The following ABCA5 variants were observed in gnomAD, a reference collection of about 807,000 sequenced individuals.
The protein encoded by ABCA5 is cholesterol transporter ABCA5.
ABCA5 carries 163 observed loss-of-function variants against 206.0 expected under a neutral mutation model. The ratio of observed to expected loss-of-function variants is 0.79; its 90% CI spans 0.70 to 0.90. The LOEUF (loss-of-function observed/expected upper bound fraction) is 0.90. ABCA5 is among the 40% of genes least tolerant of loss of function. The probability of loss-of-function intolerance (pLI) is 0.00; values close to 1 mark genes in which losing one functional copy is unlikely to be tolerated. For synonymous variants in ABCA5, 609 were observed against 613.8 expected, an observed-to-expected ratio of 0.99 and a Z score of 0.11; for missense variants, 1,859 against 1,912.9, an observed-to-expected ratio of 0.97 and a Z score of 0.53.
intron 10 of ABCA5, among the ~76,000 whole-genome samples, chr17:69,296,703 G>A (rs151192498): frequency 6.6e-6 from 1 of 152,274 alleles, no homozygotes; most frequent in East Asian, 1.9e-4. Context: ...GGTGGCTTAC[G>A]CCTGTAATCC....
Position 69,261,326 on chromosome 17 carries a change from C to T in ABCA5, c.3430-67G>A, listed in dbSNP as rs16973880. The T allele has an allele frequency of 0.01, 14,209 of 1,414,566 alleles. 1,182 individuals are homozygous for T. The African/African-American group carries it at 0.18, about 18-fold the overall frequency. 87.6% of individuals were successfully genotyped at this position (1,414,566 alleles called of 1,614,324 possible). ...GAAACTTCTTACAAATTGGTGTCTA[C>T]GCATTAAACTATTTTTTCAATCCTC... On this transcript the variant is annotated intron_variant, in intron 25 of 38. Coordinates refer to ENST00000392676, the MANE Select transcript of ABCA5 (RefSeq NM_172232.4).
intron 9 of ABCA5, among the ~76,000 whole-genome samples, chr17:69,299,616 G>C (rs796710335): frequency 4.0e-5 from 6 of 151,798 alleles, no homozygotes; most frequent in African/African-American, 1.5e-4. Flanking sequence ...ACCAAATATT[G>C]TATGTTCTCA....
chr17:69,284,339 GTAACAGGCTTAACATTCTTA>G lies in ABCA5; in HGVS notation c.2273-287_2273-268del, dbSNP rs1354258790. Among the ~76,000 whole-genome samples the G allele has an allele frequency of 2.0e-5, 3 of 152,190 alleles. No individual in the cohort carries two copies. In the East Asian group the frequency reaches 5.8e-4, roughly 29 times the overall value. ...ATTGTGGCACTGAACTCCAGCCTAA[GTAACAGGCTTAACATTCTTA>G]TAAATTAAGGACCTCAAAGAAATTT... On this transcript the variant is annotated intron_variant, in intron 17 of 38. Transcript: ENST00000392676.
intron 20 of ABCA5, among the ~76,000 whole-genome samples, chr17:69,273,645 G>C (rs1190855042): frequency 6.6e-6 from 1 of 151,708 alleles, no homozygotes; most frequent in African/African-American, 2.4e-5. Context: ...TAGTAGAGAC[G>C]GGGTTTCACC....
At position 69,285,892 on chromosome 17, in the gene ABCA5, T is replaced by G; in HGVS notation, c.2272+6A>C. The G allele has an allele frequency of 6.2e-7, 1 of 1,609,760 alleles. No individual in the cohort carries two copies. Among genetic ancestry groups the G allele is most frequent in the Non-Finnish European group, 8.5e-7 (1 of 1,178,284 alleles). Reference sequence around the variant, plus strand: ...CAAACACCAAGAGACTTAAAGTAAGTAATACCTGAAAATTTGTCCATGTCC... The same window carrying G: ...CAAACACCAAGAGACTTAAAGTAAGGAATACCTGAAAATTTGTCCATGTCC... On this transcript the variant is annotated splice_donor_region_variant and intron_variant, in intron 17 of 38. Transcript: ENST00000392676.
chr17:69,289,130 C>T (rs144742078), intron 14 of ABCA5, 47 bp downstream of exon 14: 367 of 1,557,144 alleles, frequency 2.4e-4, no homozygotes, highest in African/African-American at 2.1e-3. Context: ...CTTTTTAATT[C>T]GACATAATTT....
At chr17:69,249,100 G>C (rs1454322264) in intron 37 of ABCA5, 1 of 151,948 alleles carries the variant, frequency 6.6e-6, no homozygotes, top group Non-Finnish European at 1.5e-5. Context: ...TAGTGTTCTT[G>C]GCAAAAGTAA....
chr17:69,255,800 TTTC>T lies in ABCA5; in HGVS notation c.3906_3908del (p.Lys1303del), dbSNP rs1283130034. On this transcript the variant is annotated inframe_deletion, in exon 30 of 39. Coordinates refer to ENST00000392676, the MANE Select transcript of ABCA5 (RefSeq NM_172232.4). ...TTACTTTTCTTGAAAGAAGAAAATC[TTTC>T]TTGTCATCATATTCTTTATGCAAAT... The T allele has an allele frequency of 6.3e-7, 1 of 1,594,794 alleles. No individual in the cohort carries two copies. The highest frequency in any genetic ancestry group is 8.5e-7 in the Non-Finnish European group (1 of 1,171,140).
chr17:69,252,468 T>C (rs1277537480), intron 34 of ABCA5, among the ~76,000 whole-genome samples: 4 of 152,202 alleles, frequency 2.6e-5, no homozygotes, highest in African/African-American at 4.8e-5. Flanking sequence ...AAAACAGGCT[T>C]TGAATCATAA....
At chr17:69,272,336 A>G (rs2075282472) in intron 20 of ABCA5, among the ~76,000 whole-genome samples, 1 of 152,120 alleles carries the variant, frequency 6.6e-6, no homozygotes, top group African/African-American at 2.4e-5. Context: ...CAGTGGTTCA[A>G]AAAAAAGTGG....
Position 69,326,469 on chromosome 17 carries a change from T to C in ABCA5, c.-16+583A>G, listed in dbSNP as rs1357399011. On this transcript the variant is annotated intron_variant, in intron 1 of 38. Transcript: ENST00000392676. The surrounding 1 kb of genome is among the most constrained non-coding windows in gnomAD (Gnocchi z 4.8). The stretch of plus-strand genomic sequence containing the variant: ...TTTCCGATCCAATTAAGTATTTCCA[T>C]GCCTGGAGCTCCTATTCGTGTTTTA... Among the ~76,000 whole-genome samples, 1 of 152,222 alleles carries C rather than the reference T, an allele frequency of 6.6e-6. No individual in the cohort carries two copies. Among genetic ancestry groups the C allele is most frequent in the Non-Finnish European group, 1.5e-5 (1 of 68,036 alleles).
At chr17:69,313,049 G>C (rs757025686) in intron 3 of ABCA5, 43 bp downstream of exon 3, 19 of 1,347,830 alleles carry the variant, frequency 1.4e-5, no homozygotes, top group Non-Finnish European at 1.7e-5. Flanking sequence ...ATATTGAAAA[G>C]GCTTAATATT....
At chr17:69,266,698 T>C (rs1426323394) in intron 23 of ABCA5, among the ~76,000 whole-genome samples, 1 of 148,992 alleles carries the variant, frequency 6.7e-6, no homozygotes, top group East Asian at 1.9e-4. Context: ...TTTATTATTG[T>C]GCAGTGGGTT....
chr17:69,280,858 G>A (rs2075384639), intron 18 of ABCA5, among the ~76,000 whole-genome samples: 1 of 152,054 alleles, frequency 6.6e-6, no homozygotes, highest in East Asian at 1.9e-4. Flanking sequence ...CACAGGAAGG[G>A]GAACATCACA....
At chr17:69,266,465 A>G (rs2075209412) in intron 23 of ABCA5, among the ~76,000 whole-genome samples, 1 of 151,860 alleles carries the variant, frequency 6.6e-6, no homozygotes, top group Non-Finnish European at 1.5e-5. Flanking sequence ...AGAAACTTTA[A>G]TTAAAAATAA....
At chr17:69,293,859 T>TGTGC (rs2075555014) in intron 11 of ABCA5, among the ~76,000 whole-genome samples, 1 of 107,576 alleles carries the variant, frequency 9.3e-6, no homozygotes. Flanking sequence ...TGTGTGTGTG[T>TGTGC]GTGTGTGTGT....
intron 1 of ABCA5, among the ~76,000 whole-genome samples, chr17:69,325,170 G>T (rs527742065): frequency 1.3e-5 from 2 of 150,080 alleles, no homozygotes; most frequent in Non-Finnish European, 3.0e-5. Flanking sequence ...ATAGCCAGGC[G>T]TAGGGGCACA....
chr17:69,255,333 T>C (rs963510528), intron 31 of ABCA5, among the ~76,000 whole-genome samples: 1 of 152,186 alleles, frequency 6.6e-6, no homozygotes, highest in Non-Finnish European at 1.5e-5. Flanking sequence ...AAATACTGTA[T>C]ATGCGTGTGT....
At chr17:69,261,563 A>T in intron 25 of ABCA5, 72 bp downstream of exon 25, 1 of 726,598 alleles carries the variant, frequency 1.4e-6, no homozygotes, top group Non-Finnish European at 2.2e-6. Context: ...TAACATTTTT[A>T]GTATAATCAG....
Sources: gnomAD v4.1 joint callset for allele counts (sites outside exome capture counted in the v4.1 genomes callset) on GRCh38, gnomAD v4.1.1 for gene constraint, Gnocchi (gnomAD v3.1) non-coding constraint, MANE v1.5 for transcripts, NCBI Gene and HGNC (gene_info 2026-07-23, HGNC 2026-07-21) for gene names.